Variants in PACRGL observed in about 807,000 individuals in gnomAD.
The protein encoded by PACRGL is PACRG-like protein.
Under a neutral mutation model 34.5 loss-of-function variants are expected in PACRGL, and 38 were observed. The observed-to-expected ratio is 1.10, with a 90% CI of 0.85 to 1.44. The LOEUF (loss-of-function observed/expected upper bound fraction) is 1.44. Among genes scored for constraint, PACRGL ranks in the 40% most tolerant of loss-of-function variants. PACRGL has a pLI of 0.00. For synonymous variants in PACRGL, 128 were observed against 100.1 expected, an observed-to-expected ratio of 1.28 and a Z score of -1.66; for missense variants, 305 against 281.4, an observed-to-expected ratio of 1.08 and a Z score of -0.60.
In PACRGL at chr4:20,729,631, A is replaced by AATTTAATTT. The variant is rs2149243426; in HGVS notation, c.*2290_*2291insATTTAATTT. 6.6e-6 allele frequency: 1 copy of AATTTAATTT among 152,260 alleles called. No individual in the cohort carries two copies. Among genetic ancestry groups the AATTTAATTT allele is most frequent in the African/African-American group, 2.4e-5 (1 of 41,328 alleles). 9.4% of individuals were successfully genotyped at this position (152,260 alleles called of 1,614,324 possible). On this transcript the variant is annotated 3_prime_UTR_variant, in exon 9 of 9. Coordinates refer to ENST00000503585, the MANE Select transcript of PACRGL (RefSeq NM_001258345.3). ...ATATAAATGGAATTTAAATGGAATT[A>AATTTAATTT]CAGCATTCAAACATGAAAATTAATT...
At chr4:20,742,271 G>T (rs1240469356) in intron 8 of PACRGL, among the ~76,000 whole-genome samples, 3 of 151,732 alleles carry the variant, frequency 2.0e-5, no homozygotes, top group African/African-American at 7.3e-5. Context: ...CAACAAAAAA[G>T]AATTTTAGAC....
chr4:20,761,124 G>A, the PACRGL span, among the ~76,000 whole-genome samples: 1 of 152,152 alleles, frequency 6.6e-6, no homozygotes, highest in Non-Finnish European at 1.5e-5. Flanking sequence ...CCCAGAGAAA[G>A]AGTGTTCTTC....
intron 8 of PACRGL, among the ~76,000 whole-genome samples, chr4:20,738,959 G>C (rs188501458): frequency 9.9e-4 from 151 of 152,336 alleles, no homozygotes; most frequent in African/African-American, 3.3e-3. Flanking sequence ...CTGGCTCAGA[G>C]TGGCCCACAC....
chr4:20,750,400 G>T (rs1753394928), intron 8 of PACRGL, among the ~76,000 whole-genome samples: 1 of 152,126 alleles, frequency 6.6e-6, no homozygotes, highest in Non-Finnish European at 1.5e-5. Context: ...AAGGGGACTG[G>T]GTGGTCCTAC....
intron 8 of PACRGL, among the ~76,000 whole-genome samples, chr4:20,726,566 C>G (rs982779999): frequency 2.6e-5 from 4 of 152,134 alleles, no homozygotes; most frequent in African/African-American, 9.7e-5. Context: ...TCTTTCTCTT[C>G]TAAGACCTTA....
chr4:20,697,172 G>T (rs1731278027), upstream of PACRGL, among the ~76,000 whole-genome samples: 1 of 152,112 alleles, frequency 6.6e-6, no homozygotes. Flanking sequence ...ACTTTATAAT[G>T]ATGATGTCTA....
At chr4:20,744,287 C>A (rs980771256) in intron 8 of PACRGL, among the ~76,000 whole-genome samples, 1 of 152,184 alleles carries the variant, frequency 6.6e-6, no homozygotes, top group Admixed American at 6.5e-5. Flanking sequence ...ATAAATCATG[C>A]TGCTTTAAAG....
intron 8 of PACRGL, among the ~76,000 whole-genome samples, chr4:20,739,459 G>A (rs1367817047): frequency 6.6e-6 from 1 of 152,172 alleles, no homozygotes; most frequent in East Asian, 1.9e-4. Context: ...ACAGGGTCTG[G>A]AGTGGACCTC....
chr4:20,766,512 G>A, the PACRGL span, among the ~76,000 whole-genome samples: 1 of 152,164 alleles, frequency 6.6e-6, no homozygotes, highest in Non-Finnish European at 1.5e-5. Flanking sequence ...GTTGCAGTGA[G>A]CCGAGATCAC....
At chr4:20,740,403 G>C (rs1475143179) in intron 8 of PACRGL, among the ~76,000 whole-genome samples, 1 of 152,198 alleles carries the variant, frequency 6.6e-6, no homozygotes, top group Non-Finnish European at 1.5e-5. Context: ...TTACAAGCCA[G>C]AAGAGAGTGG....
chr4:20,701,241 T>C (rs572554554), intron 1 of PACRGL, among the ~76,000 whole-genome samples: 6 of 152,286 alleles, frequency 3.9e-5, no homozygotes, highest in Admixed American at 2.0e-4. Flanking sequence ...CTATATCAGC[T>C]GCCCAAACAA....
chr4:20,731,309 A>G lies in PACRGL; in HGVS notation c.*3968A>G. The stretch of plus-strand genomic sequence containing the variant: ...CATTGGACTCAAAATCCTGGCCTTA[A>G]GTTATCTTCCCGCCTCAGCCTCCCA... On this transcript the variant is annotated 3_prime_UTR_variant, in exon 9 of 9. Transcript: ENST00000503585. 4 of 810,814 alleles carry G rather than the reference A, an allele frequency of 4.9e-6. No individual in the cohort carries two copies. The highest frequency in any genetic ancestry group is 6.0e-6 in the Non-Finnish European group (4 of 670,544). 50.2% of individuals were successfully genotyped at this position (810,814 alleles called of 1,614,324 possible).
At chr4:20,764,837 A>C in the PACRGL span, among the ~76,000 whole-genome samples, 3 of 152,178 alleles carry the variant, frequency 2.0e-5, no homozygotes, top group Non-Finnish European at 4.4e-5. Flanking sequence ...TGTTTTTCAC[A>C]CAGACAGGGT....
At chr4:20,753,523 T>C (rs1467542852), downstream of PACRGL, among the ~76,000 whole-genome samples, 1 of 152,204 alleles carries the variant, frequency 6.6e-6, no homozygotes, top group Non-Finnish European at 1.5e-5. Flanking sequence ...ACAAACACAC[T>C]TGATTATCAT....
chr4:20,734,822 C>T (rs568036813), downstream of PACRGL: 4 of 651,328 alleles, frequency 6.1e-6, no homozygotes, highest in East Asian at 9.3e-5. Context: ...AGGGCTACAA[C>T]CCTCTGGATC....
chr4:20,744,138 A>C (rs1340466067), intron 8 of PACRGL, among the ~76,000 whole-genome samples: 2 of 151,624 alleles, frequency 1.3e-5, no homozygotes, highest in Non-Finnish European at 2.9e-5. Flanking sequence ...GATGTGGAGA[A>C]ATAGGAACAC....
chr4:20,700,424 C>G (rs1359838989), upstream of PACRGL: 1 of 152,148 alleles, frequency 6.6e-6, no homozygotes, highest in Admixed American at 6.5e-5. Context: ...TTGCGCGGCG[C>G]GACCAGGTTC....
chr4:20,725,369 A>G (rs1009942856), intron 8 of PACRGL, among the ~76,000 whole-genome samples: 3 of 152,050 alleles, frequency 2.0e-5, no homozygotes, highest in African/African-American at 7.2e-5. Context: ...ACACACACAC[A>G]CACACACGGA....
chr4:20,751,841 C>T (rs1191424475), intron 8 of PACRGL, among the ~76,000 whole-genome samples: 1 of 152,130 alleles, frequency 6.6e-6, no homozygotes, highest in African/African-American at 2.4e-5. Flanking sequence ...CTAAATGTGC[C>T]TCTGCAGTTC....
Sources: gnomAD v4.1 joint callset for allele counts (sites outside exome capture counted in the v4.1 genomes callset) on GRCh38, gnomAD v4.1.1 for gene constraint, MANE v1.5 for transcripts, NCBI Gene and HGNC (gene_info 2026-07-23, HGNC 2026-07-21) for gene names.